Variants in PHKB observed in about 807,000 individuals in gnomAD.
The protein encoded by PHKB is phosphorylase kinase regulatory subunit beta.
PHKB carries 122 observed loss-of-function variants against 152.1 expected under a neutral mutation model. The observed-to-expected ratio is 0.80, with a 90% CI of 0.69 to 0.93. PHKB has a LOEUF of 0.93. Ranked by LOEUF, PHKB falls within the 40% of genes least tolerant of loss-of-function variation. The pLI, the probability that PHKB is intolerant of heterozygous loss-of-function variation, is 0.00. For synonymous variants in PHKB, 436 were observed against 464.9 expected (o/e 0.94, Z 0.80); for missense variants, 1,304 against 1,328.4 (o/e 0.98, Z 0.29).
rs140448776 is a variant in PHKB, at chr16:47,605,965, C to T, written c.1364-4861C>T. ...CAACCACCAGGAAGTTGCCTAAACACTCAGGTGCCTCTGGTTCATCATCTA... is the reference window on the plus strand; with the variant it reads ...CAACCACCAGGAAGTTGCCTAAACATTCAGGTGCCTCTGGTTCATCATCTA... On this transcript the variant is annotated intron_variant, in intron 13 of 30. Coordinates refer to ENST00000323584, the MANE Select transcript of PHKB (RefSeq NM_000293.3). 2.3e-3 allele frequency among the ~76,000 whole-genome samples: 348 copies of T among 152,254 alleles called. 1 individual carries two copies. Among genetic ancestry groups the T allele is most frequent in the Non-Finnish European group, 4.3e-3 (294 of 68,002 alleles).
chr16:47,559,146 C>T (rs1258397008), intron 7 of PHKB, among the ~76,000 whole-genome samples: 3 of 152,186 alleles, frequency 2.0e-5, no homozygotes, highest in Non-Finnish European at 2.9e-5. Flanking sequence ...ATCGGGAACA[C>T]ATTCTTAAGG....
intron 7 of PHKB, among the ~76,000 whole-genome samples, chr16:47,576,990 T>G (rs934944188): frequency 1.3e-5 from 2 of 152,108 alleles, no homozygotes; most frequent in African/African-American, 4.8e-5. Flanking sequence ...TTTTCTTTTT[T>G]ATTTGTCTTT....
rs902575598 is a variant in PHKB at position 47,594,672 on chromosome 16, T to C, written c.1204+458T>C. ...GTATTTTGAACATCTGCCATGGTGC[T>C]AAAACATCGTCCTTTGAGGATGGAT... On this transcript the variant is annotated intron_variant, in intron 12 of 30. Coordinates refer to ENST00000323584, the MANE Select transcript of PHKB (RefSeq NM_000293.3). Among the ~76,000 whole-genome samples the C allele has an allele frequency of 2.0e-5, 3 of 152,188 alleles. No homozygotes were observed. The East Asian group carries it at 5.8e-4, about 29-fold the overall frequency.
chr16:47,488,667 A>G (rs1194658000), intron 1 of PHKB, among the ~76,000 whole-genome samples: 3 of 152,236 alleles, frequency 2.0e-5, no homozygotes, highest in Admixed American at 2.0e-4. Context: ...GCATATGACT[A>G]GCCAATTATC....
At chr16:47,562,688 A>G (rs9936361) in intron 7 of PHKB, among the ~76,000 whole-genome samples, 17,859 of 152,242 alleles carry the variant, frequency 0.12, 2,306 homozygotes, top group African/African-American at 0.32. Flanking sequence ...GATCAGGCTG[A>G]TGGTTGCTGA....
intron 7 of PHKB, among the ~76,000 whole-genome samples, chr16:47,549,823 T>G (rs757034855): frequency 5.9e-5 from 9 of 152,192 alleles, no homozygotes; most frequent in African/African-American, 1.2e-4. Context: ...CAACTTGTAT[T>G]CCTATAACTG....
At chr16:47,692,831 C>T (rs1974085220) in intron 27 of PHKB, among the ~76,000 whole-genome samples, 1 of 152,022 alleles carries the variant, frequency 6.6e-6, no homozygotes, top group South Asian at 2.1e-4. Flanking sequence ...AGCAAGAGAA[C>T]TTTAGCTATG....
chr16:47,535,534 AT>A (rs2151664580), intron 6 of PHKB, among the ~76,000 whole-genome samples: 1 of 152,284 alleles, frequency 6.6e-6, no homozygotes, highest in South Asian at 2.1e-4. Flanking sequence ...TATTATACTG[AT>A]TGTTTTTAGT....
At chr16:47,692,613 CAAATAAAT>C (rs71287505) in intron 27 of PHKB, among the ~76,000 whole-genome samples, 246 of 150,828 alleles carry the variant, frequency 1.6e-3, no homozygotes, top group Middle Eastern at 6.8e-3. Context: ...AAGACCCTGT[CAAATAAAT>C]AAATAAATAA....
chr16:47,699,579 G>C lies in PHKB; in HGVS notation c.*213G>C. On this transcript the variant is annotated 3_prime_UTR_variant, in exon 31 of 31. Coordinates refer to ENST00000323584, the MANE Select transcript of PHKB (RefSeq NM_000293.3). ...TAATCAAGCAGGAAAAAGTTCTCATGATTATGCCAACTATAATAGTAATCC... is the reference window on the plus strand; with the variant it reads ...TAATCAAGCAGGAAAAAGTTCTCATCATTATGCCAACTATAATAGTAATCC... 1 of 613,318 alleles carries C rather than the reference G, an allele frequency of 1.6e-6. No individual in the cohort carries two copies. The highest frequency in any genetic ancestry group is 1.8e-5 in the African/African-American group (1 of 54,792). 38.0% of individuals were successfully genotyped at this position (613,318 alleles called of 1,614,324 possible).
At chr16:47,528,843 C>T (rs1432161204) in intron 6 of PHKB, among the ~76,000 whole-genome samples, 1 of 151,956 alleles carries the variant, frequency 6.6e-6, no homozygotes. Context: ...ATTACAGGCA[C>T]CTGCCACTGC....
intron 1 of PHKB, among the ~76,000 whole-genome samples, chr16:47,472,855 G>A (rs1047800700): frequency 2.0e-5 from 3 of 151,816 alleles, no homozygotes; most frequent in Admixed American, 1.3e-4. Context: ...AGGAGGGACA[G>A]CTTGAGCCCG....
chr16:47,699,198 C>G, intron 30 of PHKB, 31 bp from the exon 31 acceptor site: 1 of 1,610,464 alleles, frequency 6.2e-7, no homozygotes, highest in Non-Finnish European at 8.5e-7. Context: ...AACAGAAGAT[C>G]GAATGCCTTG....
intron 1 of PHKB, among the ~76,000 whole-genome samples, chr16:47,495,761 C>T (rs1970221208): frequency 1.3e-5 from 2 of 152,210 alleles, no homozygotes; most frequent in South Asian, 4.1e-4. Context: ...AAGGGCATGA[C>T]TGGAGGGGGC....
At chr16:47,497,854 CT>C (rs1469231679) in intron 2 of PHKB, among the ~76,000 whole-genome samples, 1 of 152,086 alleles carries the variant, frequency 6.6e-6, no homozygotes, top group Non-Finnish European at 1.5e-5. Context: ...TAGTCCTAAA[CT>C]TTTTATATCC....
Position 47,648,576 on chromosome 16 carries a change from G to A in PHKB, c.1652G>A (p.Gly551Glu), listed in dbSNP as rs1461357901. The A allele has an allele frequency of 1.2e-6, 2 of 1,613,330 alleles. No individual in the cohort carries two copies. The highest frequency in any genetic ancestry group is 1.7e-6 in the Non-Finnish European group (2 of 1,179,474). Reference sequence around the variant, plus strand: ...ATCAATGAAAAGTTAGGACTCTCTGGAAGGCCAGACAGGCCCATTGGCTGC... The same window carrying A: ...ATCAATGAAAAGTTAGGACTCTCTGAAAGGCCAGACAGGCCCATTGGCTGC... ...LGINEKLGLS[G>E]RPDRPIGCLG... The change falls in exon 17 of 31, where the codon GGA becomes GAA. Residue 551 changes from glycine to glutamate, a missense_variant. By Grantham distance (98) the Gly-to-Glu change is moderately conservative. Coordinates refer to ENST00000323584, the MANE Select transcript of PHKB (RefSeq NM_000293.3).
chr16:47,677,648 T>G (rs2142088180), intron 26 of PHKB, among the ~76,000 whole-genome samples: 1 of 152,034 alleles, frequency 6.6e-6, no homozygotes, highest in Non-Finnish European at 1.5e-5. Context: ...CCTGATTACC[T>G]CCCAAAGACC....
chr16:47,659,387 AT>A (rs1317900041), intron 20 of PHKB, among the ~76,000 whole-genome samples: 2 of 152,168 alleles, frequency 1.3e-5, no homozygotes, highest in South Asian at 4.1e-4. Flanking sequence ...TGTTATAAAT[AT>A]TTTATAAATA....
intron 8 of PHKB, among the ~76,000 whole-genome samples, chr16:47,582,760 T>G (rs1261523454): frequency 3.3e-5 from 5 of 152,214 alleles, no homozygotes; most frequent in Admixed American, 3.3e-4. Context: ...ACTTGATTGT[T>G]TCAGATAGAA....
Sources: allele counts gnomAD v4.1 joint callset (sites outside exome capture counted in the v4.1 genomes callset), GRCh38; gene constraint gnomAD v4.1.1; transcripts MANE v1.5; gene names NCBI Gene and HGNC (gene_info 2026-07-23, HGNC 2026-07-21).